The following TOX2 variants were observed in gnomAD, a reference collection of about 807,000 sequenced individuals.
TOX2 encodes the protein granulosa cell HMG box 1.
In TOX2, 15 loss-of-function variants were observed where a neutral mutation model predicts 47.4. The observed-to-expected ratio is 0.32, with a 90% CI of 0.21 to 0.49. TOX2 has a LOEUF of 0.49. Ranked by LOEUF, TOX2 falls within the 20% of genes least tolerant of loss-of-function variation. The probability of loss-of-function intolerance (pLI) is 0.99; values close to 1 mark genes in which losing one functional copy is unlikely to be tolerated. For missense variants in TOX2, 622 were observed against 673.1 expected, an observed-to-expected ratio of 0.92 and a Z score of 0.84; for synonymous variants, 290 against 296.6, an observed-to-expected ratio of 0.98 and a Z score of 0.23.
rs759696897 is a variant in TOX2, at chr20:44,029,836, T to G, written c.412-21470T>G. Among the ~76,000 whole-genome samples the G allele has an allele frequency of 4.4e-4, 67 of 152,150 alleles. 1 individual carries two copies. Among genetic ancestry groups the G allele is most frequent in the African/African-American group, 1.6e-3 (66 of 41,420 alleles). ...TCCTCCCCTCCCATTTGCCTTGACC[T>G]CTGCCTCCCTGTGACTATAAAACTC... is the stretch of plus-strand genomic sequence containing the variant. On this transcript the variant is annotated intron_variant, in intron 3 of 8. Coordinates refer to ENST00000341197, the MANE Select transcript of TOX2 (RefSeq NM_001098797.2).
At chr20:43,951,707 G>GGTTTTTTTTTTT (rs745489872) in intron 1 of TOX2, among the ~76,000 whole-genome samples, 13 of 55,096 alleles carry the variant, frequency 2.4e-4, no homozygotes, top group African/African-American at 6.5e-4. Context: ...AACTTATTAT[G>GGTTTTTTTTTTT]TTTTTTTTTT....
chr20:44,067,025 C>T (rs1210256581), intron 8 of TOX2, among the ~76,000 whole-genome samples, 168 bp downstream of exon 8: 2 of 152,320 alleles, frequency 1.3e-5, no homozygotes, highest in East Asian at 1.9e-4. Flanking sequence ...CAGAGCCAGG[C>T]CCCGGAAGGA....
At chr20:44,063,844 A>G (rs1460536628) in intron 5 of TOX2, among the ~76,000 whole-genome samples, 4 of 152,156 alleles carry the variant, frequency 2.6e-5, no homozygotes, top group Non-Finnish European at 5.9e-5. Flanking sequence ...AAGGAAGGAA[A>G]TAATGGCATT....
At chr20:43,951,736 G>A (rs1265871366) in intron 1 of TOX2, among the ~76,000 whole-genome samples, 1 of 29,346 alleles carries the variant, frequency 3.4e-5, no homozygotes, top group Middle Eastern at 0.019. Context: ...TTTAGAGAAA[G>A]GGTCTTGCTC....
chr20:43,982,363 G>C (rs2145508986), intron 2 of TOX2, among the ~76,000 whole-genome samples: 1 of 152,292 alleles, frequency 6.6e-6, no homozygotes, highest in South Asian at 2.1e-4. Context: ...AGATCTGCCA[G>C]GCAGTTGCAC....
chr20:43,931,304 A>G (rs1254867013), intron 1 of TOX2, among the ~76,000 whole-genome samples: 4 of 151,666 alleles, frequency 2.6e-5, no homozygotes, highest in Non-Finnish European at 4.4e-5. Context: ...ACACCTGATA[A>G]TTTTTAAATT....
chr20:43,998,539 T>C (rs1026623977), intron 2 of TOX2, among the ~76,000 whole-genome samples: 2 of 152,212 alleles, frequency 1.3e-5, no homozygotes, highest in East Asian at 3.8e-4. Flanking sequence ...TACTAACAGT[T>C]TTTTACATTT....
In TOX2 at chr20:43,976,472, C is replaced by T. The variant is rs996907340; in HGVS notation, c.165+3040C>T. Among the ~76,000 whole-genome samples the T allele has an allele frequency of 2.8e-4, 43 of 152,180 alleles. 1 individual carries two copies. Among genetic ancestry groups the T allele is most frequent in the Non-Finnish European group, 4.4e-5 (3 of 68,042 alleles). On this transcript the variant is annotated intron_variant, in intron 2 of 8. Transcript: ENST00000341197. ...CTTGAAATAAACACACATCTACTTCCAACACATTCTATTGGTCAAAGCCAG... is the reference window on the plus strand; with the variant it reads ...CTTGAAATAAACACACATCTACTTCTAACACATTCTATTGGTCAAAGCCAG...
chr20:43,942,808 G>A (rs1309062900), intron 1 of TOX2, among the ~76,000 whole-genome samples: 1 of 152,224 alleles, frequency 6.6e-6, no homozygotes, highest in Admixed American at 6.5e-5. Flanking sequence ...AAAGGCTGCA[G>A]CTTCTCCACA....
chr20:43,992,892 G>T (rs2070395240), intron 2 of TOX2, among the ~76,000 whole-genome samples: 1 of 149,868 alleles, frequency 6.7e-6, no homozygotes, highest in Admixed American at 6.6e-5. Flanking sequence ...GGCCAGATTT[G>T]GTCCACGGCC....
intron 1 of TOX2, among the ~76,000 whole-genome samples, chr20:43,923,485 G>T (rs2069132576): frequency 6.6e-6 from 1 of 152,204 alleles, no homozygotes; most frequent in South Asian, 2.1e-4. Flanking sequence ...GCCTGGGGAG[G>T]AGCTGAAAGT....
intron 8 of TOX2, among the ~76,000 whole-genome samples, chr20:44,067,468 C>G (rs1569156032): frequency 6.6e-6 from 1 of 152,042 alleles, no homozygotes. Flanking sequence ...GGGCAGCTCC[C>G]AAGACTAGAA....
intron 2 of TOX2, among the ~76,000 whole-genome samples, chr20:43,975,061 A>G (rs2070052539): frequency 6.6e-6 from 1 of 152,256 alleles, no homozygotes; most frequent in Non-Finnish European, 1.5e-5. Flanking sequence ...TCAGCAGACC[A>G]GAGTTAGCCC....
intron 1 of TOX2, among the ~76,000 whole-genome samples, chr20:43,926,856 C>G (rs1360125169): frequency 6.6e-6 from 1 of 152,238 alleles, no homozygotes; most frequent in Non-Finnish European, 1.5e-5. Flanking sequence ...GTGAGCTGTT[C>G]TCTTCTGCAC....
At chr20:43,946,022 G>A (rs768960154) in intron 1 of TOX2, 1 of 1,614,068 alleles carries the variant, frequency 6.2e-7, no homozygotes, top group East Asian at 2.2e-5. Context: ...TGCATTGCAG[G>A]TGTGTTTCCG....
chr20:43,927,191 CAG>C (rs1179051934), intron 1 of TOX2, among the ~76,000 whole-genome samples: 2 of 152,146 alleles, frequency 1.3e-5, no homozygotes, highest in Admixed American at 6.5e-5. Context: ...ACTTACCAAT[CAG>C]GGGTCATTTT....
At chr20:44,019,080 TTGACTGAC>T (rs112089152) in intron 3 of TOX2, among the ~76,000 whole-genome samples, 21 of 152,114 alleles carry the variant, frequency 1.4e-4, no homozygotes, top group East Asian at 3.9e-4. Flanking sequence ...AAAAGGTTTG[TTGACTGAC>T]TGACTGACTG....
chr20:43,974,303 C>T (rs889209386), intron 2 of TOX2, among the ~76,000 whole-genome samples: 1 of 151,558 alleles, frequency 6.6e-6, no homozygotes, highest in Non-Finnish European at 1.5e-5. Context: ...GGCTGGGGCC[C>T]CAGGGAGGGT....
intron 3 of TOX2, among the ~76,000 whole-genome samples, chr20:44,020,903 C>T (rs1012187776): frequency 1.9e-4 from 29 of 152,306 alleles, no homozygotes; most frequent in Non-Finnish European, 2.8e-4. Flanking sequence ...CAGAGGAACT[C>T]GAGGACCGAC....
Sources: allele counts gnomAD v4.1 joint callset (sites outside exome capture counted in the v4.1 genomes callset), GRCh38; gene constraint gnomAD v4.1.1; transcripts MANE v1.5; gene names NCBI Gene and HGNC (gene_info 2026-07-23, HGNC 2026-07-21).